Variants in ARHGEF17 observed in about 807,000 individuals in gnomAD.
The protein encoded by ARHGEF17 is 164 kDa Rho-specific guanine-nucleotide exchange factor.
A neutral mutation model predicts 174.0 loss-of-function variants in ARHGEF17; 80 were observed. The observed-to-expected ratio is 0.46, with a 90% CI of 0.38 to 0.55. The LOEUF (loss-of-function observed/expected upper bound fraction) is 0.55, where lower values mean the gene tolerates loss of function less well. Among genes scored for constraint, ARHGEF17 ranks in the 20% least tolerant of loss-of-function variants. The pLI, the probability that ARHGEF17 is intolerant of heterozygous loss-of-function variation, is 0.00. For synonymous variants in ARHGEF17, 1,311 were observed against 1,189.1 expected (o/e 1.10, Z -2.11); for missense variants, 2,886 against 2,839.7 (o/e 1.02, Z -0.37).
chr11:73,335,600 T>TG (rs1865274331), intron 1 of ARHGEF17, among the ~76,000 whole-genome samples: 1 of 151,936 alleles, frequency 6.6e-6, no homozygotes, highest in South Asian at 2.1e-4. Context: ...TCAAACCACA[T>TG]GCACCACAGC....
At chr11:73,364,735 G>A (rs951329504) in intron 18 of ARHGEF17, 135 bp downstream of exon 18, 62 of 1,166,904 alleles carry the variant, frequency 5.3e-5, no homozygotes, top group Non-Finnish European at 6.6e-5. Flanking sequence ...ACAGAGTGAC[G>A]CTGGCCAGTC....
At chr11:73,334,229 C>G (rs1865252983) in intron 1 of ARHGEF17, among the ~76,000 whole-genome samples, 1 of 152,140 alleles carries the variant, frequency 6.6e-6, no homozygotes, top group African/African-American at 2.4e-5. Flanking sequence ...TGGTCAGTGC[C>G]CTGGTCTATA....
intron 2 of ARHGEF17, 27 bp downstream of exon 2, chr11:73,346,987 G>T: frequency 1.3e-6 from 2 of 1,585,668 alleles, no homozygotes; most frequent in South Asian, 1.1e-5. Flanking sequence ...ACTCCCCTGA[G>T]AATGGCCTTT....
chr11:73,354,056 TTATATC>T (rs1865597086), intron 3 of ARHGEF17, among the ~76,000 whole-genome samples: 1 of 152,160 alleles, frequency 6.6e-6, no homozygotes, highest in Non-Finnish European at 1.5e-5. Context: ...AAGTGAAAAA[TTATATC>T]TATTTCTGTG....
At chr11:73,354,804 G>A (rs1183614938) in intron 3 of ARHGEF17, among the ~76,000 whole-genome samples, 1 of 152,146 alleles carries the variant, frequency 6.6e-6, no homozygotes, top group Non-Finnish European at 1.5e-5. Flanking sequence ...GTTGAGACAG[G>A]AACCCAGGTT....
At position 73,365,967 on chromosome 11, in the gene ARHGEF17, C is replaced by A; in HGVS notation, c.5995+20C>A. 1 of 1,589,610 alleles carries A rather than the reference C, an allele frequency of 6.3e-7. No individual in the cohort carries two copies. The highest frequency in any genetic ancestry group is 8.5e-7 in the Non-Finnish European group (1 of 1,171,232). On this transcript the variant is annotated intron_variant, in intron 20 of 20. Coordinates refer to ENST00000263674, the MANE Select transcript of ARHGEF17 (RefSeq NM_014786.4). The surrounding 1 kb of genome is among the most constrained non-coding windows in gnomAD (Gnocchi z 4.9). ...ACACAGGTGGGTCAGTGCATCATAC[C>A]CCAAGCTAGGGATCATGGACATTTG...
intron 1 of ARHGEF17, among the ~76,000 whole-genome samples, chr11:73,313,295 A>C (rs1326598778): frequency 2.0e-5 from 3 of 152,074 alleles, no homozygotes; most frequent in Non-Finnish European, 2.9e-5. Context: ...CCTGAACTCC[A>C]GTGCCAGTTC....
chr11:73,319,575 C>A (rs550291004), intron 1 of ARHGEF17, among the ~76,000 whole-genome samples: 1 of 152,382 alleles, frequency 6.6e-6, no homozygotes, highest in African/African-American at 2.4e-5. Flanking sequence ...AAGGACCAGG[C>A]TGTTGGTTCC....
rs530920914 is a variant in ARHGEF17, at chr11:73,309,226, G to C, written c.588G>C (p.Arg196Ser). 9 of 1,602,124 alleles carry C rather than the reference G, an allele frequency of 5.6e-6. No homozygotes were observed. The East Asian group carries it at 2.0e-4, about 36-fold the overall frequency. Residue 196 changes from arginine (R) to serine (S), a missense_variant, in exon 1 of 21, where the codon AGG becomes AGC. Arg to Ser is a moderately radical substitution (Grantham distance 110). Transcript: ENST00000263674. ...RPLTGPETEG[R>S]LRRPQQQQER... ...TGACCGGGCCGGAGACCGAAGGGAG[G>C]CTGCGCCGGCCGCAGCAGCAACAGG...
rs558667626 is a variant in ARHGEF17, at chr11:73,322,537, A to G, written c.3192+10707A>G. On this transcript the variant is annotated intron_variant, in intron 1 of 20. Transcript: ENST00000263674. Reference sequence around the variant, plus strand: ...CCTCACACTGTAAGGGGTCACTGAGAGTTCTTGAGAAGTGCAGTGACGTGG... The same window carrying G: ...CCTCACACTGTAAGGGGTCACTGAGGGTTCTTGAGAAGTGCAGTGACGTGG... Among the ~76,000 whole-genome samples the G allele has an allele frequency of 1.2e-4, 18 of 152,258 alleles. No individual in the cohort carries two copies. The South Asian group carries it at 2.1e-3, about 18-fold the overall frequency.
intron 1 of ARHGEF17, among the ~76,000 whole-genome samples, chr11:73,324,956 G>A (rs539904501): frequency 6.6e-6 from 1 of 152,236 alleles, no homozygotes; most frequent in Admixed American, 6.5e-5. Flanking sequence ...CCCTTCTCTT[G>A]GTGCTGGAAA....
intron 1 of ARHGEF17, among the ~76,000 whole-genome samples, chr11:73,336,738 T>G (rs1314099238): frequency 1.3e-5 from 2 of 152,230 alleles, no homozygotes; most frequent in African/African-American, 4.8e-5. Context: ...TCCCTGATCC[T>G]CAGTTTCCTC....
chr11:73,310,854 C>T lies in ARHGEF17; in HGVS notation c.2216C>T (p.Pro739Leu). ...EAYRSLSDPI[P>L]QRHRAATSEE... ...TACAGGTCCCTGAGTGACCCAATTC[C>T]TCAGCGCCACCGGGCTGCCACCTCT... Residue 739 changes from proline (P) to leucine (L), a missense_variant, in exon 1 of 21, where the codon CCT (proline) becomes CTT (leucine). Around this residue, in one of 4 missense-constraint regions of ARHGEF17, gnomAD observed 1,728 missense variants for 1,461.2 expected, o/e 1.18. Coordinates refer to ENST00000263674, the MANE Select transcript of ARHGEF17 (RefSeq NM_014786.4). 3.7e-6 allele frequency: 6 copies of T among 1,612,042 alleles called. No homozygotes were observed. Among genetic ancestry groups the T allele is most frequent in the Non-Finnish European group, 5.1e-6 (6 of 1,179,268 alleles).
chr11:73,311,201 C>A lies in ARHGEF17; in HGVS notation c.2563C>A (p.Pro855Thr). The A allele has an allele frequency of 6.3e-7, 1 of 1,599,506 alleles. No individual in the cohort carries two copies. Among genetic ancestry groups the A allele is most frequent in the Non-Finnish European group, 8.5e-7 (1 of 1,170,426 alleles). ...PGGEPIREVE[P>T]MLPPSSSEPI... is the part of the protein sequence containing the mutation. The stretch of plus-strand genomic sequence containing the variant: ...AGGGGAGCCCATCCGAGAAGTTGAG[C>A]CCATGCTGCCTCCATCCAGCAGCGA... The change falls in exon 1 of 21, where the codon CCC becomes ACC. Residue 855 changes from proline (P) to threonine (T), a missense_variant. This residue lies in a region of ARHGEF17 where 1,728 missense variants were observed against 1,461.2 expected (regional missense o/e 1.18). Transcript: ENST00000263674.
At chr11:73,367,491 T>C in intron 20 of ARHGEF17, 93 bp from the exon 21 acceptor site, 1 of 1,114,014 alleles carries the variant, frequency 9.0e-7, no homozygotes, top group Non-Finnish European at 1.3e-6. Flanking sequence ...ACATCTTCCT[T>C]CCTATCTTCT....
At chr11:73,364,770 C>T in intron 18 of ARHGEF17, 170 bp downstream of exon 18, 1 of 779,482 alleles carries the variant, frequency 1.3e-6, no homozygotes, top group Non-Finnish European at 1.9e-6. Context: ...ATCCTCATTT[C>T]TTCTGTAGCT....
chr11:73,368,966 T>C lies in ARHGEF17; in HGVS notation c.*1186T>C, dbSNP rs749401460. On this transcript the variant is annotated 3_prime_UTR_variant, in exon 21 of 21. Transcript: ENST00000263674. ...GTTTTGTTCTGTTTGGTTTTGGTTT[T>C]GTTTGGGGTGGGTGGGTCATTGCGG... 6.6e-6 allele frequency: 1 copy of C among 152,468 alleles called. No homozygotes were observed. The highest frequency in any genetic ancestry group is 2.4e-5 in the African/African-American group (1 of 41,440). The allele number at this position is 152,468 out of a possible 1,614,324, so 9.4% of individuals were successfully genotyped here. A position where few individuals can be genotyped will look rare whatever the true frequency, so the allele number is the denominator to read the frequency against.
intron 1 of ARHGEF17, among the ~76,000 whole-genome samples, chr11:73,318,619 G>A (rs1025334172): frequency 2.0e-5 from 3 of 152,224 alleles, no homozygotes; most frequent in African/African-American, 7.2e-5. Context: ...GACAGAGTGA[G>A]ACCTTGTCTC....
At position 73,311,339 on chromosome 11, in the gene ARHGEF17, C is replaced by G. The variant is rs764905511; in HGVS notation, c.2701C>G (p.Arg901Gly). The change falls in exon 1 of 21, where the codon CGA becomes GGA. Residue 901 changes from arginine (R) to glycine (G), a missense_variant. Arg to Gly is a moderately radical substitution (Grantham distance 125, BLOSUM62 -2). This residue lies in a region of ARHGEF17 where 1,728 missense variants were observed against 1,461.2 expected (regional missense o/e 1.18). Transcript: ENST00000263674. ...TCTGCCTCCCCCTGCCACTGCCCAC[C>G]GAAACTTTCACCTTGACCCCAAGCT... ...EALPPPATAH[R>G]NFHLDPKLAD... 3.1e-6 allele frequency: 5 copies of G among 1,613,266 alleles called. No homozygotes were observed. The African/African-American group carries it at 6.7e-5, about 22-fold the overall frequency.
Sources: allele counts gnomAD v4.1 joint callset (sites outside exome capture counted in the v4.1 genomes callset), GRCh38; gene constraint gnomAD v4.1.1; regional missense constraint gnomAD v4.1.1; non-coding constraint Gnocchi (gnomAD v3.1); transcripts MANE v1.5; gene names NCBI Gene and HGNC (gene_info 2026-07-23, HGNC 2026-07-21).